The following TTLL7 variants were observed in gnomAD, a reference collection of about 807,000 sequenced individuals.
The protein encoded by TTLL7 is tubulin tyrosine ligase like 7.
A neutral mutation model predicts 120.2 loss-of-function variants in TTLL7; 53 were observed. That is an observed-to-expected ratio of 0.44 (90% CI 0.35 to 0.55). The LOEUF is 0.55. Among genes scored for constraint, TTLL7 ranks in the 20% least tolerant of loss-of-function variants. The pLI is 0.00. For synonymous variants in TTLL7, 353 were observed against 351.7 expected (o/e 1.00, Z -0.04); for missense variants, 803 against 1,054.7 (o/e 0.76, Z 3.31).
chr1:83,995,538 G>T (rs1008670116), intron 1 of TTLL7, among the ~76,000 whole-genome samples: 3 of 151,628 alleles, frequency 2.0e-5, no homozygotes, highest in African/African-American at 7.3e-5. Flanking sequence ...GCTTCCTAAG[G>T]CCTCCCCAGA....
chr1:83,927,764 A>T (rs1194797318), intron 10 of TTLL7, among the ~76,000 whole-genome samples: 3 of 152,162 alleles, frequency 2.0e-5, no homozygotes, highest in Non-Finnish European at 4.4e-5. Context: ...CCAAAATTAA[A>T]GCACTCCATA....
intron 17 of TTLL7, among the ~76,000 whole-genome samples, chr1:83,904,893 TACC>T (rs1391612014): frequency 1.3e-5 from 2 of 152,194 alleles, no homozygotes; most frequent in South Asian, 2.1e-4. Flanking sequence ...TTAAAATATT[TACC>T]ACATGTAGTG....
At chr1:83,940,006 A>T (rs1647794058) in intron 7 of TTLL7, among the ~76,000 whole-genome samples, 1 of 152,118 alleles carries the variant, frequency 6.6e-6, no homozygotes, top group African/African-American at 2.4e-5. Context: ...ATCTCAACCT[A>T]GAAATTCAAT....
chr1:83,921,423 TA>T (rs754608302), intron 10 of TTLL7, 29 bp from the exon 11 acceptor site: 2 of 1,606,288 alleles, frequency 1.2e-6, no homozygotes, highest in Admixed American at 1.7e-5. Flanking sequence ...GACCATATTC[TA>T]GAACTCGAAC....
chr1:83,907,786 T>C (rs1657330414), intron 15 of TTLL7, 125 bp from the exon 16 acceptor site: 1 of 813,466 alleles, frequency 1.2e-6, no homozygotes, highest in Non-Finnish European at 1.9e-6. Flanking sequence ...TGTCAAAGCA[T>C]AGGCATCATC....
rs1653108516 is a variant in TTLL7 at position 83,868,941 on chromosome 1, ATCT to A, written c.*1018_*1020del. On this transcript the variant is annotated 3_prime_UTR_variant, in exon 21 of 21. Transcript: ENST00000260505. Reference sequence around the variant, plus strand: ...TCTTCCATTTTATTTATTTATTTTTATCTTCTTTTTATTTATTTATTTATTTTA... The same window carrying A: ...TCTTCCATTTTATTTATTTATTTTTATCTTTTTATTTATTTATTTATTTTA... The A allele has an allele frequency of 6.7e-6, 1 of 149,958 alleles. No homozygotes were observed. The highest frequency in any genetic ancestry group is 2.1e-4 in the South Asian group (1 of 4,798). The allele number at this position is 149,958 out of a possible 1,614,324, so 9.3% of individuals were successfully genotyped here.
Position 83,947,218 on chromosome 1 carries a change from A to G in TTLL7, c.412T>C (p.Tyr138His), listed in dbSNP as rs1648592057. 6.2e-7 allele frequency: 1 copy of G among 1,612,958 alleles called. No individual in the cohort carries two copies. The highest frequency in any genetic ancestry group is 1.3e-5 in the African/African-American group (1 of 74,846). Reference sequence around the variant, plus strand: ...TTCACATAATTTTGGAATTGAGTATATTCAGCAGGAAAGATCCAAGTTCGA... The same window carrying G: ...TTCACATAATTTTGGAATTGAGTATGTTCAGCAGGAAAGATCCAAGTTCGA... ...VPRTWIFPAEYTQFQNYVKEL... is the reference protein window; with the variant it reads ...VPRTWIFPAEHTQFQNYVKEL... The change falls in exon 6 of 21, where the codon TAT becomes CAT. Residue 138 changes from tyrosine to histidine, a missense_variant. Coordinates refer to ENST00000260505, the MANE Select transcript of TTLL7 (RefSeq NM_024686.6).
intron 10 of TTLL7, 118 bp from the exon 11 acceptor site, chr1:83,921,512 C>T: frequency 4.7e-6 from 5 of 1,061,916 alleles, no homozygotes; most frequent in Middle Eastern, 3.1e-4. Flanking sequence ...GTTTATTAAA[C>T]TTATATATTC....
intron 1 of TTLL7, among the ~76,000 whole-genome samples, chr1:83,965,085 A>G (rs1453999983): frequency 6.7e-6 from 1 of 149,550 alleles, no homozygotes; most frequent in East Asian, 2.0e-4. Context: ...TTATTCTGAA[A>G]GAGGTCATCA....
chr1:83,965,802 A>G (rs2100553151), intron 1 of TTLL7, among the ~76,000 whole-genome samples: 1 of 152,190 alleles, frequency 6.6e-6, no homozygotes, highest in East Asian at 1.9e-4. Flanking sequence ...CTTCTTTCTC[A>G]TCAGCAGATC....
At chr1:83,993,222 A>C (rs1206236671) in intron 1 of TTLL7, among the ~76,000 whole-genome samples, 2 of 152,206 alleles carry the variant, frequency 1.3e-5, no homozygotes, top group Non-Finnish European at 2.9e-5. Context: ...AGATATATCT[A>C]AGCATCCTGA....
intron 8 of TTLL7, among the ~76,000 whole-genome samples, chr1:83,936,618 T>A (rs1275079494): frequency 6.6e-6 from 1 of 152,194 alleles, no homozygotes; most frequent in South Asian, 2.1e-4. Context: ...TATGATCCAA[T>A]TTCTCATTTA....
intron 12 of TTLL7, chr1:83,920,764 C>T (rs1236424632): frequency 1.6e-5 from 4 of 250,124 alleles, no homozygotes; most frequent in African/African-American, 9.2e-5. Context: ...AGTACAGTAA[C>T]CACCATGGAT....
chr1:83,926,199 G>T (rs1659102730), intron 10 of TTLL7, among the ~76,000 whole-genome samples: 2 of 151,658 alleles, frequency 1.3e-5, no homozygotes, highest in African/African-American at 4.8e-5. Context: ...TGTTAGCAGA[G>T]AAAAAAATAA....
At chr1:83,880,728 T>C (rs961753761) in intron 20 of TTLL7, among the ~76,000 whole-genome samples, 5 of 152,070 alleles carry the variant, frequency 3.3e-5, no homozygotes, top group Non-Finnish European at 7.4e-5. Context: ...CCTCACAGAA[T>C]TGGAAAAAAC....
intron 13 of TTLL7, among the ~76,000 whole-genome samples, chr1:83,919,259 A>AGTGTGTGTGTGTGTGT (rs111745254): frequency 6.8e-6 from 1 of 146,948 alleles, no homozygotes; most frequent in Non-Finnish European, 1.5e-5. Flanking sequence ...TACAGATTAG[A>AGTGTGTGTGTGTGTGT]GTGTGTGTGT....
intron 1 of TTLL7, among the ~76,000 whole-genome samples, chr1:83,974,243 T>C (rs1054029098): frequency 6.6e-6 from 1 of 151,928 alleles, no homozygotes; most frequent in African/African-American, 2.4e-5. Flanking sequence ...TACGAACACA[T>C]ATATCTATGA....
intron 12 of TTLL7, 98 bp downstream of exon 12, chr1:83,920,989 G>T (rs1658599994): frequency 1.5e-6 from 2 of 1,316,748 alleles, no homozygotes; most frequent in Non-Finnish European, 2.1e-6. Flanking sequence ...TGGAATGAAA[G>T]AAAAATGCTT....
intron 6 of TTLL7, among the ~76,000 whole-genome samples, 162 bp downstream of exon 6, chr1:83,946,962 A>C (rs1477435555): frequency 6.6e-6 from 1 of 152,244 alleles, no homozygotes; most frequent in African/African-American, 2.4e-5. Flanking sequence ...AGTTTAAAAG[A>C]ATAGAGATCA....
Sources: gnomAD v4.1 joint callset for allele counts (sites outside exome capture counted in the v4.1 genomes callset) on GRCh38, gnomAD v4.1.1 for gene constraint, MANE v1.5 for transcripts, NCBI Gene and HGNC (gene_info 2026-07-23, HGNC 2026-07-21) for gene names.